SLC35D4: variants seen among roughly 807,000 people sequenced by gnomAD.
The protein encoded by SLC35D4 is UDP-N-acetylglucosamine transporter SLC35D4.
the SLC35D4 span, chr18:23,399,537 G>A: frequency 8.9e-5 from 142 of 1,601,914 alleles, no homozygotes; most frequent in African/African-American, 1.5e-3. Flanking sequence ...GGAGAGAGGA[G>A]TTGTTTCCCC....
the SLC35D4 span, among the ~76,000 whole-genome samples, chr18:23,306,117 C>T: frequency 6.6e-6 from 1 of 152,000 alleles, no homozygotes; most frequent in Non-Finnish European, 1.5e-5. Context: ...AGATGGGAGG[C>T]TGTCCTGGGC....
chr18:23,405,702 G>A, the SLC35D4 span, among the ~76,000 whole-genome samples: 2 of 152,280 alleles, frequency 1.3e-5, no homozygotes, highest in African/African-American at 4.8e-5. Flanking sequence ...GGAGAGAGAG[G>A]GGTGTCGGGG....
At chr18:23,274,353 C>G in the SLC35D4 span, among the ~76,000 whole-genome samples, 1 of 152,162 alleles carries the variant, frequency 6.6e-6, no homozygotes, top group Admixed American at 6.5e-5. Context: ...ACTCCCTGAT[C>G]GAGGGATTGG....
At chr18:23,407,143 C>T in the SLC35D4 span, among the ~76,000 whole-genome samples, 38 of 152,240 alleles carry the variant, frequency 2.5e-4, no homozygotes, top group South Asian at 1.5e-3. Context: ...CAGGCAAAAC[C>T]GGATCCATAT....
chr18:23,430,301 T>A, the SLC35D4 span, among the ~76,000 whole-genome samples: 3 of 152,192 alleles, frequency 2.0e-5, no homozygotes, highest in South Asian at 2.1e-4. Context: ...CCTGAACTCC[T>A]GGCCTCCTAC....
chr18:23,344,538 T>C, the SLC35D4 span, among the ~76,000 whole-genome samples: 4 of 151,980 alleles, frequency 2.6e-5, no homozygotes, highest in Non-Finnish European at 5.9e-5. Flanking sequence ...ACATTATGAT[T>C]TGCAGATATT....
At chr18:23,311,467 T>C in the SLC35D4 span, among the ~76,000 whole-genome samples, 1 of 152,102 alleles carries the variant, frequency 6.6e-6, no homozygotes, top group Non-Finnish European at 1.5e-5. Context: ...TGGACTAAAA[T>C]GTTATTACCT....
At chr18:23,403,016 G>C in the SLC35D4 span, among the ~76,000 whole-genome samples, 2 of 152,176 alleles carry the variant, frequency 1.3e-5, no homozygotes, top group Admixed American at 1.3e-4. Flanking sequence ...TGAGGCAGGA[G>C]AATCACTTGG....
chr18:23,246,655 T>C, the SLC35D4 span, among the ~76,000 whole-genome samples: 1 of 151,736 alleles, frequency 6.6e-6, no homozygotes, highest in African/African-American at 2.4e-5. Flanking sequence ...CCTCCCAAAG[T>C]GCTGGGATTA....
At chr18:23,387,534 C>T in the SLC35D4 span, among the ~76,000 whole-genome samples, 1 of 152,170 alleles carries the variant, frequency 6.6e-6, no homozygotes, top group Non-Finnish European at 1.5e-5. Context: ...GGGTAAACTG[C>T]TCCAGTTTAG....
the SLC35D4 span, among the ~76,000 whole-genome samples, chr18:23,282,959 AC>A: frequency 6.6e-6 from 1 of 151,624 alleles, no homozygotes; most frequent in South Asian, 2.1e-4. Context: ...GACTGAGGGG[AC>A]CCCCGAGAAA....
chr18:23,371,062 CCTCCCTCTCTCCTTCCCTCT>C, the SLC35D4 span, among the ~76,000 whole-genome samples: 1 of 151,364 alleles, frequency 6.6e-6, no homozygotes, highest in African/African-American at 2.4e-5. Flanking sequence ...TCCTTCCCAC[CCTCCCTCTCTCCTTCCCTCT>C]CTCCCTCTCT....
the SLC35D4 span, among the ~76,000 whole-genome samples, chr18:23,283,465 C>T: frequency 9.1e-6 from 1 of 110,302 alleles, no homozygotes; most frequent in Non-Finnish European, 1.7e-5. Flanking sequence ...CAGAGAGACC[C>T]AGTCTCAAAA....
chr18:23,383,331 G>C, the SLC35D4 span, among the ~76,000 whole-genome samples: 2 of 151,818 alleles, frequency 1.3e-5, no homozygotes, highest in South Asian at 2.1e-4. Context: ...AAAGGAAAAG[G>C]AAGAGAAAGA....
the SLC35D4 span, among the ~76,000 whole-genome samples, chr18:23,408,398 T>C: frequency 6.6e-6 from 1 of 152,354 alleles, no homozygotes; most frequent in African/African-American, 2.4e-5. Context: ...CTCCAGGCAT[T>C]ACTTTGGTAT....
the SLC35D4 span, among the ~76,000 whole-genome samples, chr18:23,300,352 G>A: frequency 3.0e-4 from 46 of 152,238 alleles, no homozygotes; most frequent in African/African-American, 1.1e-3. Flanking sequence ...CGGAGCTTTG[G>A]GTTTGGGAGG....
chr18:23,353,769 G>A, the SLC35D4 span, among the ~76,000 whole-genome samples: 1 of 152,164 alleles, frequency 6.6e-6, no homozygotes, highest in Non-Finnish European at 1.5e-5. Context: ...CACACCCAGC[G>A]CCTGGATTTC....
chr18:23,361,103 C>CAAAAAAAAAAAAAAAAAAAA, the SLC35D4 span, among the ~76,000 whole-genome samples: 1 of 94,110 alleles, frequency 1.1e-5, no homozygotes, highest in Non-Finnish European at 2.1e-5. Context: ...GACTTTGTCT[C>CAAAAAAAAAAAAAAAAAAAA]AAAAAAAAAA....
At chr18:23,306,552 C>T in the SLC35D4 span, among the ~76,000 whole-genome samples, 16 of 152,160 alleles carry the variant, frequency 1.1e-4, no homozygotes, top group Non-Finnish European at 1.9e-4. Context: ...GTGATCCACC[C>T]GCCTCGGCCT....
Sources: gnomAD v4.1 joint callset for allele counts (sites outside exome capture counted in the v4.1 genomes callset) on GRCh38, gnomAD v4.1.1 for gene constraint, MANE v1.5 for transcripts, NCBI Gene and HGNC (gene_info 2026-07-23, HGNC 2026-07-21) for gene names.